TTLL11: variants seen among roughly 807,000 people sequenced by gnomAD.
TTLL11 encodes tubulin polyglutamylase TTLL11.
Under a neutral mutation model 51.7 loss-of-function variants are expected in TTLL11, and 42 were observed. That is an observed-to-expected ratio of 0.81 (90% confidence interval 0.64 to 1.05). The LOEUF (loss-of-function observed/expected upper bound fraction) is 1.05, where lower values mean the gene tolerates loss of function less well. Ranked by LOEUF, TTLL11 falls within the 50% of genes least tolerant of loss-of-function variation. TTLL11 has a pLI of 0.00. For synonymous variants in TTLL11, 381 were observed against 383.5 expected, an observed-to-expected ratio of 0.99 and a Z score of 0.08; for missense variants, 799 against 940.4, an observed-to-expected ratio of 0.85 and a Z score of 1.97.
At chr9:121,841,760 G>C (rs1207474029) in intron 8 of TTLL11, among the ~76,000 whole-genome samples, 4 of 152,032 alleles carry the variant, frequency 2.6e-5, no homozygotes, top group African/African-American at 9.7e-5. Context: ...GTGGGGGTCT[G>C]TCTTGTGCAT....
At position 121,826,483 on chromosome 9, in the gene TTLL11, A is replaced by G. The variant is rs183016197; in HGVS notation, c.1841-3604T>C. On this transcript the variant is annotated intron_variant, in intron 8 of 8. Transcript: ENST00000321582. ...TATATGTGTGTATATATATATATGT[A>G]TATATATATATGTGTGTGTATATAT... 8.1e-3 allele frequency among the ~76,000 whole-genome samples: 346 copies of G among 42,688 alleles called. 15 individuals carry two copies. The highest frequency in any genetic ancestry group is 0.013 in the East Asian group (8 of 622). The allele number at this position is 42,688 out of a possible 152,430, so 28.0% of individuals were successfully genotyped here.
At chr9:121,923,764 G>A (rs1459308864) in intron 6 of TTLL11, among the ~76,000 whole-genome samples, 5 of 152,132 alleles carry the variant, frequency 3.3e-5, no homozygotes, top group African/African-American at 7.2e-5. Flanking sequence ...ACTCTCTTTC[G>A]CTCCCAGGAA....
At chr9:121,828,728 T>C (rs1347637879) in intron 8 of TTLL11, among the ~76,000 whole-genome samples, 1 of 152,192 alleles carries the variant, frequency 6.6e-6, no homozygotes, top group African/African-American at 2.4e-5. Context: ...AATAAAACCC[T>C]TGGGACCTGG....
chr9:122,055,743 T>G (rs565965240), intron 1 of TTLL11, among the ~76,000 whole-genome samples: 1 of 152,234 alleles, frequency 6.6e-6, no homozygotes, highest in East Asian at 1.9e-4. Flanking sequence ...CAGTCAAAGC[T>G]CCACACCACC....
At chr9:121,880,072 C>G (rs976138659) in intron 6 of TTLL11, among the ~76,000 whole-genome samples, 1 of 152,220 alleles carries the variant, frequency 6.6e-6, no homozygotes, top group African/African-American at 2.4e-5. Context: ...AAAGCTCAGA[C>G]TCTTCTAGCC....
chr9:122,058,731 A>T (rs1307157116), intron 1 of TTLL11, among the ~76,000 whole-genome samples: 1 of 152,226 alleles, frequency 6.6e-6, no homozygotes, highest in Non-Finnish European at 1.5e-5. Flanking sequence ...AACACAGCTA[A>T]TAGCTGTGGC....
intron 6 of TTLL11, among the ~76,000 whole-genome samples, chr9:121,926,685 T>C (rs1840748498): frequency 6.6e-6 from 1 of 152,162 alleles, no homozygotes; most frequent in Non-Finnish European, 1.5e-5. Flanking sequence ...CCGTGTCACT[T>C]TGAGTGGTTC....
intron 6 of TTLL11, among the ~76,000 whole-genome samples, chr9:121,884,398 C>T (rs1257999103): frequency 2.0e-5 from 3 of 152,132 alleles, no homozygotes; most frequent in Non-Finnish European, 2.9e-5. Flanking sequence ...CTAACAAGCG[C>T]GGAGCTGAAG....
intron 6 of TTLL11, among the ~76,000 whole-genome samples, chr9:121,963,930 G>A (rs980789141): frequency 6.6e-6 from 1 of 152,146 alleles, no homozygotes; most frequent in African/African-American, 2.4e-5. Context: ...GGAACGCAAT[G>A]TATCTTGAAG....
chr9:121,911,929 A>C (rs894086592), intron 6 of TTLL11, among the ~76,000 whole-genome samples: 1 of 152,204 alleles, frequency 6.6e-6, no homozygotes, highest in Non-Finnish European at 1.5e-5. Flanking sequence ...TTAAAGTATA[A>C]TAAAAAAAAA....
chr9:122,039,808 T>C (rs767065078), intron 1 of TTLL11, among the ~76,000 whole-genome samples: 81 of 151,824 alleles, frequency 5.3e-4, no homozygotes, highest in Admixed American at 1.2e-3. Flanking sequence ...CTCTGAAAAT[T>C]ACAACCCTCA....
intron 1 of TTLL11, among the ~76,000 whole-genome samples, chr9:122,064,867 G>A (rs935408990): frequency 6.6e-5 from 10 of 152,180 alleles, no homozygotes; most frequent in African/African-American, 2.4e-4. Flanking sequence ...AGAACACTCA[G>A]TTATGTGTCC....
At chr9:122,072,936 G>A in intron 1 of TTLL11, among the ~76,000 whole-genome samples, 1 of 152,324 alleles carries the variant, frequency 6.6e-6, no homozygotes, top group East Asian at 1.9e-4. Context: ...CCCGTGCTTG[G>A]CAGGGTCCAT....
chr9:121,953,478 C>A (rs1240015153), intron 6 of TTLL11, among the ~76,000 whole-genome samples: 1 of 151,616 alleles, frequency 6.6e-6, no homozygotes, highest in Non-Finnish European at 1.5e-5. Context: ...CTAAAAAATA[C>A]AAAATTAGCC....
chr9:121,998,885 CT>C (rs1205354426), intron 3 of TTLL11, among the ~76,000 whole-genome samples: 1 of 152,182 alleles, frequency 6.6e-6, no homozygotes, highest in Non-Finnish European at 1.5e-5. Context: ...AGCAGTCCTC[CT>C]GCCCCAGCCT....
chr9:122,053,169 A>G (rs889104266), intron 1 of TTLL11, among the ~76,000 whole-genome samples: 3 of 152,186 alleles, frequency 2.0e-5, no homozygotes, highest in African/African-American at 7.2e-5. Context: ...CCAGGAATCC[A>G]GGAGCCGGGT....
intron 3 of TTLL11, among the ~76,000 whole-genome samples, chr9:122,019,167 A>T (rs1844091768): frequency 6.6e-6 from 1 of 152,178 alleles, no homozygotes; most frequent in Admixed American, 6.5e-5. Flanking sequence ...TCTCTGCCTA[A>T]GATTCCTGCC....
At chr9:121,897,601 CA>C (rs1839574797) in intron 6 of TTLL11, among the ~76,000 whole-genome samples, 1 of 151,822 alleles carries the variant, frequency 6.6e-6, no homozygotes, top group Admixed American at 6.6e-5. Flanking sequence ...CCCACCTTCC[CA>C]GGCATTTCCC....
chr9:121,883,027 T>C (rs140283480), intron 6 of TTLL11, among the ~76,000 whole-genome samples: 1 of 152,286 alleles, frequency 6.6e-6, no homozygotes, highest in East Asian at 1.9e-4. Context: ...AAGTATTCTT[T>C]AAGACAGAGA....
Sources: allele counts gnomAD v4.1 joint callset (sites outside exome capture counted in the v4.1 genomes callset), GRCh38; gene constraint gnomAD v4.1.1; transcripts MANE v1.5; gene names NCBI Gene and HGNC (gene_info 2026-07-23, HGNC 2026-07-21).